Variants in CCDC159 observed in about 807,000 individuals in gnomAD.
CCDC159 encodes the protein coiled-coil domain containing 159.
CCDC159 carries 40 observed loss-of-function variants against 50.9 expected under a neutral mutation model. The ratio of observed to expected loss-of-function variants is 0.79; its 90% CI spans 0.61 to 1.02. CCDC159 has a LOEUF of 1.02. CCDC159 is among the 50% of genes least tolerant of loss of function. The pLI is 0.00. For synonymous variants in CCDC159, 146 were observed against 138.9 expected, an observed-to-expected ratio of 1.05 and a Z score of -0.36; for missense variants, 356 against 371.5, an observed-to-expected ratio of 0.96 and a Z score of 0.34.
At position 11,350,032 on chromosome 19, in the gene CCDC159, C is replaced by A. The variant is rs372545583; in HGVS notation, c.144+6C>A. ...AGTTACAGGCCCAGACCAAGGTGAACCACCTTGGCCCTGCCCCCAGCAACC... is the reference window on the plus strand; with the variant it reads ...AGTTACAGGCCCAGACCAAGGTGAAACACCTTGGCCCTGCCCCCAGCAACC... On this transcript the variant is annotated splice_donor_region_variant and intron_variant, in intron 3 of 10. Transcript: ENST00000458408. The A allele has an allele frequency of 1.0e-4, 163 of 1,611,780 alleles. No homozygotes were observed. The highest frequency in any genetic ancestry group is 1.3e-4 in the Non-Finnish European group (156 of 1,178,188).
At position 11,352,060 on chromosome 19, in the gene CCDC159, C is replaced by T. The variant is rs1219328723; in HGVS notation, c.494C>T (p.Ala165Val). The T allele has an allele frequency of 5.6e-6, 9 of 1,613,408 alleles. No individual in the cohort carries two copies. Among genetic ancestry groups the T allele is most frequent in the African/African-American group, 1.3e-5 (1 of 74,822 alleles). Reference protein sequence around the residue: ...EVTFIYQKLQAQEDEISENLV... With the variant: ...EVTFIYQKLQVQEDEISENLV... ...CCTGAGCCCCCTCCCTCCACAGAAG[C>T]GCAGGAGGATGAGATCTCAGAGAAC... The change falls in exon 7 of 11, where the codon GCG becomes GTG. Residue 165 changes from alanine to valine, a missense_variant. Coordinates refer to ENST00000458408, the MANE Select transcript of CCDC159 (RefSeq NM_001080503.3).
At chr19:11,348,319 C>T (rs1253917081) in intron 1 of CCDC159, among the ~76,000 whole-genome samples, 3 of 152,264 alleles carry the variant, frequency 2.0e-5, no homozygotes, top group East Asian at 3.9e-4. Flanking sequence ...GACTGAGTCT[C>T]ACTCTGTTGC....
In CCDC159 at chr19:11,354,735, C is replaced by T. The variant is rs754732185; in HGVS notation, c.889+39C>T. On this transcript the variant is annotated intron_variant, in intron 10 of 10. Transcript: ENST00000458408. ...CCAGTCCCCCCCTCCACCCATTTCCCTCCTGACCTGCCCTTGACTCCCACA... is the reference window on the plus strand; with the variant it reads ...CCAGTCCCCCCCTCCACCCATTTCCTTCCTGACCTGCCCTTGACTCCCACA... 6.2e-6 allele frequency: 10 copies of T among 1,608,350 alleles called. No individual in the cohort carries two copies. The Middle Eastern group carries it at 5.0e-4, about 80-fold the overall frequency.
Position 11,350,898 on chromosome 19 carries a change from C to A in CCDC159, c.317C>A (p.Thr106Asn). The A allele has an allele frequency of 6.4e-7, 1 of 1,552,752 alleles. No individual in the cohort carries two copies. Among genetic ancestry groups the A allele is most frequent in the Non-Finnish European group, 8.7e-7 (1 of 1,148,094 alleles). ...CGGCAGGAGCTGTATGGGGCCCTGA[C>A]CCAAGGCCTTCAGGGGCTGGAGAAG... The part of the protein sequence containing the change: ...QGRQELYGAL[T>N]QGLQGLEKTL... Residue 106 changes from threonine to asparagine, a missense_variant, in exon 5 of 11, where the codon ACC becomes AAC. Thr to Asn is a moderately conservative substitution (Grantham distance 65, BLOSUM62 0). Transcript: ENST00000458408.
intron 2 of CCDC159, 50 bp from the exon 3 acceptor site, chr19:11,349,888 C>A (rs1397186916): frequency 6.3e-7 from 1 of 1,576,098 alleles, no homozygotes; most frequent in Non-Finnish European, 8.7e-7. Context: ...CTGCCCTTGC[C>A]CCAGACCCCA....
intron 1 of CCDC159, 23 bp downstream of exon 1, chr19:11,346,650 G>A: frequency 6.4e-7 from 1 of 1,550,770 alleles, no homozygotes. Context: ...TGGGGTTCTG[G>A]AGCCTGGCGG....
chr19:11,354,525 C>T (rs555253734), intron 9 of CCDC159, 55 bp from the exon 10 acceptor site: 251 of 1,472,126 alleles, frequency 1.7e-4, no homozygotes, highest in Non-Finnish European at 1.9e-4. Flanking sequence ...GGACACAGGG[C>T]CTATATTTGG....
chr19:11,353,674 G>T, intron 8 of CCDC159, 102 bp downstream of exon 8: 1 of 1,573,960 alleles, frequency 6.4e-7, no homozygotes, highest in South Asian at 1.1e-5. Context: ...CCTGAGTCCA[G>T]ACTTCCCTCA....
chr19:11,351,900 C>T lies in CCDC159; in HGVS notation c.423-6C>T. On this transcript the variant is annotated splice_polypyrimidine_tract_variant and splice_region_variant and intron_variant, in intron 5 of 10. Coordinates refer to ENST00000458408, the MANE Select transcript of CCDC159 (RefSeq NM_001080503.3). ...AGTGCAGGTCTAGGCTGCACTGTCC[C>T]CTCAGCAAGAAGTTCCTGTGGGAGG... 6.3e-7 allele frequency: 1 copy of T among 1,589,420 alleles called. No homozygotes were observed. Among genetic ancestry groups the T allele is most frequent in the Non-Finnish European group, 8.6e-7 (1 of 1,168,962 alleles).
chr19:11,349,484 AG>A, intron 1 of CCDC159, 169 bp from the exon 2 acceptor site: 2 of 765,496 alleles, frequency 2.6e-6, no homozygotes, highest in Non-Finnish European at 4.3e-6. Flanking sequence ...ATGTAGCCCA[AG>A]GGGGAGGTGC....
chr19:11,350,833 G>A lies in CCDC159; in HGVS notation c.252G>A (p.Gln84=), dbSNP rs376131184. The A allele has an allele frequency of 3.2e-6, 5 of 1,550,482 alleles. No homozygotes were observed. The highest frequency in any genetic ancestry group is 2.4e-5 in the East Asian group (1 of 41,052). ...AGGTGCTGAGCCCCACAGGCCGCCA[G>A]GGAGAGAAGGAGGAGCACAAGTGGG... The part of the protein sequence containing the change: ...LEEVLSPTGR[Q]GEKEEHKWGM... The change falls in exon 5 of 11, where the codon CAG becomes CAA. Residue 84 remains glutamine, a synonymous_variant. Transcript: ENST00000458408.
At chr19:11,350,352 T>TAAA (rs34313280) in intron 4 of CCDC159, among the ~76,000 whole-genome samples, 153 bp downstream of exon 4, 2 of 104,476 alleles carry the variant, frequency 1.9e-5, no homozygotes, top group African/African-American at 3.7e-5. Flanking sequence ...CATATCTACT[T>TAAA]AAAAAAAAAA....
Position 11,354,889 on chromosome 19 carries a change from T to G in CCDC159, c.*12T>G, listed in dbSNP as rs1303076518. 1 of 1,613,590 alleles carries G rather than the reference T, an allele frequency of 6.2e-7. No homozygotes were observed. The highest frequency in any genetic ancestry group is 2.2e-5 in the East Asian group (1 of 44,860). On this transcript the variant is annotated 3_prime_UTR_variant, in exon 11 of 11. Transcript: ENST00000458408. ...TCTCCACAGCTTGAGCAGCCGGGAC[T>G]GCTCTCCCTGAAGACCCCTCCAGAG... is the stretch of plus-strand genomic sequence containing the variant.
intron 10 of CCDC159, 35 bp from the exon 11 acceptor site, chr19:11,354,838 C>T (rs1009055610): frequency 2.5e-6 from 4 of 1,613,020 alleles, no homozygotes; most frequent in East Asian, 4.5e-5. Context: ...TCCCCTGGAC[C>T]TGGCCAGGCC....
At chr19:11,350,267 A>G in intron 4 of CCDC159, 68 bp downstream of exon 4, 10 of 1,376,436 alleles carry the variant, frequency 7.3e-6, no homozygotes, top group South Asian at 3.7e-5. Flanking sequence ...TAATCCCAGC[A>G]TTTGGGGAGG....
chr19:11,354,452 A>G (rs571670521), intron 9 of CCDC159, 128 bp from the exon 10 acceptor site: 53 of 872,852 alleles, frequency 6.1e-5, no homozygotes, highest in East Asian at 4.1e-4. Flanking sequence ...TTGGTGTCAC[A>G]CTGGATCACA....
At chr19:11,350,280 A>G in intron 4 of CCDC159, 81 bp downstream of exon 4, 1 of 1,275,510 alleles carries the variant, frequency 7.8e-7, no homozygotes, top group East Asian at 2.5e-5. Flanking sequence ...TGGGGAGGCC[A>G]AAGAGGTTGG....
chr19:11,351,342 C>G (rs1465092974), intron 5 of CCDC159: 1 of 238,360 alleles, frequency 4.2e-6, no homozygotes, highest in Admixed American at 5.3e-5. Flanking sequence ...GAAGCTGAAG[C>G]AGGAGAATCA....
In CCDC159 at chr19:11,349,953, T is replaced by G; in HGVS notation, c.71T>G (p.Met24Arg). Residue 24 changes from methionine to arginine, a missense_variant, in exon 3 of 11, where the codon ATG becomes AGG. Physicochemically the swap from Met to Arg is moderately conservative, Grantham distance 91. Transcript: ENST00000458408. ...CTGCCCACAGCCAAGACCATTGTGATGATTCCCGACTCCCAGAAGCTCCTG... is the reference window on the plus strand; with the variant it reads ...CTGCCCACAGCCAAGACCATTGTGAGGATTCCCGACTCCCAGAAGCTCCTG... Reference protein sequence around the residue: ...SSKVKAKTIVMIPDSQKLLRC... With the variant: ...SSKVKAKTIVRIPDSQKLLRC... 1 of 1,613,830 alleles carries G rather than the reference T, an allele frequency of 6.2e-7. No individual in the cohort carries two copies. Among genetic ancestry groups the G allele is most frequent in the Non-Finnish European group, 8.5e-7 (1 of 1,179,838 alleles).
Sources: allele counts gnomAD v4.1 joint callset (sites outside exome capture counted in the v4.1 genomes callset), GRCh38; gene constraint gnomAD v4.1.1; transcripts MANE v1.5; gene names NCBI Gene and HGNC (gene_info 2026-07-23, HGNC 2026-07-21).